The following UCHL1 variants were observed in gnomAD, a reference collection of about 807,000 sequenced individuals.
UCHL1 encodes the protein ubiquitin C-terminal hydrolase L1, also known as ubiquitin carboxyl-terminal hydrolase isozyme L1.
In UCHL1, 5 loss-of-function variants were observed where a neutral mutation model predicts 33.3. The ratio of observed to expected loss-of-function variants is 0.15; its 90% CI spans 0.08 to 0.32. The LOEUF is 0.32. Among genes scored for constraint, UCHL1 ranks in the 10% least tolerant of loss-of-function variants. The pLI is 1.00. For synonymous variants in UCHL1, 132 were observed against 108.8 expected (o/e 1.21, Z -1.33); for missense variants, 236 against 280.0 (o/e 0.84, Z 1.12).
intron 3 of UCHL1, 52 bp from the exon 4 acceptor site, chr4:41,260,595 C>T: frequency 6.2e-7 from 1 of 1,603,424 alleles, no homozygotes; most frequent in South Asian, 1.1e-5. Context: ...GTGCTGCCAT[C>T]TGTTCTTTGC....
In UCHL1 at chr4:41,261,765, C is replaced by G. The variant is rs1185316005; in HGVS notation, c.376C>G (p.Pro126Ala). ...TCTTTCTGAAACAGAGAAAATGTCC[C>G]CTGAAGACAGAGCAAAATGCTTTGA... Reference protein sequence around the residue: ...QFLSETEKMSPEDRAKCFEKN... With the variant: ...QFLSETEKMSAEDRAKCFEKN... The change falls in exon 5 of 9, where the codon CCT becomes GCT. Residue 126 changes from proline to alanine, a missense_variant. Physicochemically the swap from Pro to Ala is conservative, Grantham distance 27. Coordinates refer to ENST00000284440, the MANE Select transcript of UCHL1 (RefSeq NM_004181.5). 3.1e-6 allele frequency: 5 copies of G among 1,613,606 alleles called. No individual in the cohort carries two copies. In the African/African-American group the frequency reaches 6.7e-5, roughly 22 times the overall value.
intron 3 of UCHL1, among the ~76,000 whole-genome samples, chr4:41,260,173 T>C (rs974651180): frequency 2.0e-5 from 3 of 152,242 alleles, no homozygotes; most frequent in African/African-American, 7.2e-5. Context: ...AAGCGAAGTG[T>C]ACTTAAGCCG....
In UCHL1 at chr4:41,268,055, T is replaced by G; in HGVS notation, c.654T>G (p.Ala218=). ...EQGEVRFSAV[A]LCKAA The stretch of plus-strand genomic sequence containing the variant: ...GAGAAGTCCGCTTCTCTGCCGTGGC[T>G]CTCTGCAAGGCAGCCTAATGCTCTG... The change falls in exon 9 of 9, where the codon GCT becomes GCG. Residue 218 remains alanine, a synonymous_variant. Coordinates refer to ENST00000284440, the MANE Select transcript of UCHL1 (RefSeq NM_004181.5). 6.2e-7 allele frequency: 1 copy of G among 1,613,446 alleles called. No homozygotes were observed. The highest frequency in any genetic ancestry group is 8.5e-7 in the Non-Finnish European group (1 of 1,179,774).
chr4:41,268,125 A>G lies in UCHL1; in HGVS notation c.*52A>G. 1 of 1,518,452 alleles carries G rather than the reference A, an allele frequency of 6.6e-7. No homozygotes were observed. Among genetic ancestry groups the G allele is most frequent in the South Asian group, 1.2e-5 (1 of 86,436 alleles). The allele number at this position is 1,518,452 out of a possible 1,614,324, so 94.1% of individuals were successfully genotyped here. ...TTCCCCTCTTCCCTTCAACATGAAA[A>G]TATATACCCCCCCATGCAGTCTAAA... On this transcript the variant is annotated 3_prime_UTR_variant, in exon 9 of 9. Coordinates refer to ENST00000284440, the MANE Select transcript of UCHL1 (RefSeq NM_004181.5).
At chr4:41,259,599 A>C (rs1246260080) in intron 3 of UCHL1, among the ~76,000 whole-genome samples, 1 of 152,218 alleles carries the variant, frequency 6.6e-6, no homozygotes. Flanking sequence ...ACAGAAATGC[A>C]AAGCTACTAG....
intron 7 of UCHL1, 91 bp from the exon 8 acceptor site, chr4:41,264,012 G>T: frequency 6.4e-7 from 1 of 1,555,652 alleles, no homozygotes; most frequent in Non-Finnish European, 8.9e-7. Context: ...AGTGGTTTTT[G>T]GAAGAATCTA....
chr4:41,256,932 G>GT lies in UCHL1; in HGVS notation c.-40dup. ...TGCAGCCTGGGCGGCTCCGCTAGCT[G>GT]TTTTTCGTCTTCCCTAGGCTATTTC... On this transcript the variant is annotated 5_prime_UTR_variant, in exon 1 of 9. Transcript: ENST00000284440. 2.5e-6 allele frequency: 4 copies of GT among 1,613,926 alleles called. No individual in the cohort carries two copies. The highest frequency in any genetic ancestry group is 3.4e-6 in the Non-Finnish European group (4 of 1,179,980).
intron 3 of UCHL1, 79 bp downstream of exon 3, chr4:41,257,816 C>G (rs2154087104): frequency 6.7e-7 from 1 of 1,503,358 alleles, no homozygotes; most frequent in African/African-American, 1.4e-5. Flanking sequence ...GGGCTCCCCG[C>G]CCCGCCCCCT....
chr4:41,257,170 C>T (rs1367575998), intron 2 of UCHL1, 44 bp downstream of exon 2: 1 of 1,611,146 alleles, frequency 6.2e-7, no homozygotes, highest in Non-Finnish European at 8.5e-7. Flanking sequence ...CCCCCGCGAG[C>T]GCCGAGGCGG....
chr4:41,257,407 G>A, intron 2 of UCHL1: 5 of 891,658 alleles, frequency 5.6e-6, no homozygotes, highest in Non-Finnish European at 7.9e-6. Flanking sequence ...TCGGCTGCAC[G>A]GGCTTCGCGG....
intron 8 of UCHL1, among the ~76,000 whole-genome samples, chr4:41,266,326 T>G (rs1438065124): frequency 1.3e-5 from 2 of 151,252 alleles, no homozygotes; most frequent in African/African-American, 4.9e-5. Flanking sequence ...ATTCTTACCC[T>G]AAGTAAGGCT....
intron 8 of UCHL1, among the ~76,000 whole-genome samples, chr4:41,266,531 T>TAGTA (rs1781157262): frequency 2.0e-5 from 3 of 152,182 alleles, no homozygotes; most frequent in Non-Finnish European, 4.4e-5. Context: ...GTATGTCCTA[T>TAGTA]AGTAAGGTCA....
In UCHL1 at chr4:41,264,087, G is replaced by A; in HGVS notation, c.527-16G>A. The stretch of plus-strand genomic sequence containing the variant: ...ACATGCAGAGAAAATTGACATGCCT[G>A]GCTTCTTTGTTACAGATGGACGAAT... On this transcript the variant is annotated splice_polypyrimidine_tract_variant and intron_variant, in intron 7 of 8. Transcript: ENST00000284440. The A allele has an allele frequency of 6.2e-7, 1 of 1,614,214 alleles. No individual in the cohort carries two copies. The highest frequency in any genetic ancestry group is 8.5e-7 in the Non-Finnish European group (1 of 1,180,036).
Position 41,263,304 on chromosome 4 carries a change from C to T in UCHL1, c.526+13C>T, listed in dbSNP as rs750700117. 8 of 1,612,704 alleles carry T rather than the reference C, an allele frequency of 5.0e-6. No individual in the cohort carries two copies. Among genetic ancestry groups the T allele is most frequent in the African/African-American group, 1.3e-5 (1 of 74,854 alleles). ...CTCTATGAACTTGGTATGTTTTACTCCATTTTTGGAACCCAGTGTAGTTTC... is the reference window on the plus strand; with the variant it reads ...CTCTATGAACTTGGTATGTTTTACTTCATTTTTGGAACCCAGTGTAGTTTC... On this transcript the variant is annotated intron_variant, in intron 7 of 8. Coordinates refer to ENST00000284440, the MANE Select transcript of UCHL1 (RefSeq NM_004181.5).
chr4:41,260,447 T>C (rs933995408), intron 3 of UCHL1, among the ~76,000 whole-genome samples, 200 bp from the exon 4 acceptor site: 1 of 152,142 alleles, frequency 6.6e-6, no homozygotes, highest in Non-Finnish European at 1.5e-5. Context: ...TCTCCGAACC[T>C]CTCAGAGCCC....
chr4:41,267,865 A>G (rs1012358982), intron 8 of UCHL1, 122 bp from the exon 9 acceptor site: 2 of 886,700 alleles, frequency 2.3e-6, no homozygotes, highest in African/African-American at 3.3e-5. Context: ...TTTCAAATTA[A>G]TGATGGAATT....
At chr4:41,264,446 A>G (rs1781122546) in intron 8 of UCHL1, 1 of 493,134 alleles carries the variant, frequency 2.0e-6, no homozygotes, top group African/African-American at 1.9e-5. Flanking sequence ...TGGTGGGATT[A>G]AGGTGACCAT....
At position 41,268,246 on chromosome 4, in the gene UCHL1, C is replaced by CA. The variant is rs1781185564; in HGVS notation, c.*174dup. On this transcript the variant is annotated 3_prime_UTR_variant, in exon 9 of 9. Coordinates refer to ENST00000284440, the MANE Select transcript of UCHL1 (RefSeq NM_004181.5). ...GGCACTTAAGCACAAGCAGAGTGCA[C>CA]AGCTGTCCACTGGGCCATTGTGGTG... The CA allele has an allele frequency of 1.5e-6, 1 of 662,020 alleles. No homozygotes were observed. The allele number at this position is 662,020 out of a possible 1,614,324, so 41.0% of individuals were successfully genotyped here.
At chr4:41,259,755 T>C (rs12172970) in intron 3 of UCHL1, among the ~76,000 whole-genome samples, 56,812 of 151,966 alleles carry the variant, frequency 0.37, 11,117 homozygotes, top group East Asian at 0.68. Context: ...GTCTCAAACT[T>C]CTGAGCTCAA....
Sources: allele counts gnomAD v4.1 joint callset (sites outside exome capture counted in the v4.1 genomes callset), GRCh38; gene constraint gnomAD v4.1.1; transcripts MANE v1.5; gene names NCBI Gene and HGNC (gene_info 2026-07-23, HGNC 2026-07-21).